The following SMAP2 variants were observed in gnomAD, a reference collection of about 807,000 sequenced individuals.
SMAP2 encodes the protein stromal membrane-associated protein 2.
In SMAP2, 25 loss-of-function variants were observed where a neutral mutation model predicts 56.4. The observed-to-expected ratio is 0.44, with a 90% confidence interval of 0.32 to 0.62. The LOEUF (loss-of-function observed/expected upper bound fraction) is 0.62, where lower values mean the gene tolerates loss of function less well. Among genes scored for constraint, SMAP2 ranks in the 20% least tolerant of loss-of-function variants. SMAP2 has a pLI of 0.04. For missense variants in SMAP2, 388 were observed against 545.6 expected (o/e 0.71, Z 2.88); for synonymous variants, 157 against 181.7 (o/e 0.86, Z 1.09).
chr1:40,422,396 C>T lies in SMAP2; in HGVS notation c.*295C>T, dbSNP rs753224021. 3.0e-5 allele frequency: 11 copies of T among 361,564 alleles called. No individual in the cohort carries two copies. Among genetic ancestry groups the T allele is most frequent in the East Asian group, 5.8e-5 (1 of 17,186 alleles). The allele number at this position is 361,564 out of a possible 1,614,324, so 22.4% of individuals were successfully genotyped here. ...ACTTAAACTGTGGGAGAAGTGTGCACACCTTTGAGTCCCTTCCCTCAAGGT... is the reference window on the plus strand; with the variant it reads ...ACTTAAACTGTGGGAGAAGTGTGCATACCTTTGAGTCCCTTCCCTCAAGGT... On this transcript the variant is annotated 3_prime_UTR_variant, in exon 10 of 10. Transcript: ENST00000372718.
At position 40,360,004 on chromosome 1, in the gene SMAP2, C is replaced by CTTTTTTTT. The variant is rs775408458; in HGVS notation, c.-82-2283_-82-2276dup. 4.8e-3 allele frequency among the ~76,000 whole-genome samples: 487 copies of CTTTTTTTT among 102,352 alleles called. 1 individual carries two copies. The highest frequency in any genetic ancestry group is 5.3e-3 in the Non-Finnish European group (294 of 55,008). 67.1% of individuals were successfully genotyped at this position (102,352 alleles called of 152,430 possible). On this transcript the variant is annotated intron_variant, in intron 1 of 6. Transcript: ENST00000435168. The stretch of plus-strand genomic sequence containing the variant: ...ACAGACTTTTTTCTTCTTCTTCTTT[C>CTTTTTTTT]TTTTTTTTTTTTTTTTTTTTGAGAT...
chr1:40,391,225 G>A (rs910083013), intron 1 of SMAP2, among the ~76,000 whole-genome samples: 14 of 152,198 alleles, frequency 9.2e-5, no homozygotes, highest in African/African-American at 3.4e-4. Flanking sequence ...TTGAATATGG[G>A]CTGTTTTTAA....
At chr1:40,393,457 T>G (rs1644737063) in intron 1 of SMAP2, 1 of 1,535,304 alleles carries the variant, frequency 6.5e-7, no homozygotes, top group Admixed American at 2.0e-5. Flanking sequence ...CAAAAAGATG[T>G]TTTGCAAATA....
chr1:40,389,308 TA>T lies in SMAP2; in HGVS notation c.103+15086del, dbSNP rs1644693011. 4.6e-3 allele frequency among the ~76,000 whole-genome samples: 3 copies of T among 658 alleles called. 1 individual carries two copies. Among genetic ancestry groups the T allele is most frequent in the South Asian group, 0.17 (2 of 12 alleles). 0.4% of individuals were successfully genotyped at this position (658 alleles called of 152,430 possible). On this transcript the variant is annotated intron_variant, in intron 1 of 9. Transcript: ENST00000372718. ...AAGGAGGTAACAGCTACTGCATTAT[TA>T]TTTTTTTTTTGAAGAAGGGCCCTCA...
intron 1 of SMAP2, among the ~76,000 whole-genome samples, chr1:40,353,670 G>C (rs941499379): frequency 7.9e-5 from 12 of 152,132 alleles, no homozygotes; most frequent in Middle Eastern, 3.4e-3. Context: ...GGCCCAGAAG[G>C]CTTCTTAAAA....
intron 1 of SMAP2, among the ~76,000 whole-genome samples, chr1:40,406,343 T>C (rs1644886097): frequency 6.6e-6 from 1 of 152,220 alleles, no homozygotes; most frequent in South Asian, 2.1e-4. Flanking sequence ...TATTATATAA[T>C]TCTTTTTATA....
chr1:40,379,274 T>C (rs1644572220), intron 1 of SMAP2, among the ~76,000 whole-genome samples: 1 of 152,164 alleles, frequency 6.6e-6, no homozygotes, highest in South Asian at 2.1e-4. Context: ...ACCTAGCCCA[T>C]TGTCGGCAAT....
At chr1:40,352,028 T>C (rs1444366318) in intron 1 of SMAP2, among the ~76,000 whole-genome samples, 1 of 152,114 alleles carries the variant, frequency 6.6e-6, no homozygotes, top group Non-Finnish European at 1.5e-5. Context: ...TCCATGAATT[T>C]TTTTTTCTTT....
intron 1 of SMAP2, among the ~76,000 whole-genome samples, chr1:40,398,346 A>C (rs1644794224): frequency 6.6e-6 from 1 of 150,378 alleles, no homozygotes; most frequent in African/African-American, 2.5e-5. Flanking sequence ...ACTCCCGCTC[A>C]GCCTCCCAAG....
At chr1:40,350,620 A>C (rs1269999317) in intron 1 of SMAP2, among the ~76,000 whole-genome samples, 1 of 152,168 alleles carries the variant, frequency 6.6e-6, no homozygotes, top group African/African-American at 2.4e-5. Context: ...TGTAAATCAT[A>C]TATTTCAGTT....
intron 1 of SMAP2, among the ~76,000 whole-genome samples, chr1:40,359,773 T>G (rs1439617796): frequency 6.6e-6 from 1 of 152,172 alleles, no homozygotes; most frequent in Non-Finnish European, 1.5e-5. Context: ...TAACACTGAT[T>G]GCGTAAACAG....
intron 1 of SMAP2, among the ~76,000 whole-genome samples, chr1:40,361,001 T>A (rs552645316): frequency 4.6e-5 from 7 of 152,328 alleles, no homozygotes; most frequent in Admixed American, 6.5e-5. Flanking sequence ...CATGACTTAA[T>A]AAGACACCAG....
chr1:40,388,991 C>G (rs577525697), intron 1 of SMAP2, among the ~76,000 whole-genome samples: 1 of 152,012 alleles, frequency 6.6e-6, no homozygotes, highest in South Asian at 2.1e-4. Flanking sequence ...CCTGAGCCAG[C>G]GAGACCACGA....
chr1:40,374,597 G>T lies in SMAP2; in HGVS notation c.103+374G>T. 1 of 650,176 alleles carries T rather than the reference G, an allele frequency of 1.5e-6. No individual in the cohort carries two copies. Among genetic ancestry groups the T allele is most frequent in the Non-Finnish European group, 2.1e-6 (1 of 469,638 alleles). 40.3% of individuals were successfully genotyped at this position (650,176 alleles called of 1,614,324 possible). The stretch of plus-strand genomic sequence containing the variant: ...CTGCATTGCGTGCGTGCGTGCGTGC[G>T]TGTGTGTGTGTGTGTGTGTGTGTGT... On this transcript the variant is annotated intron_variant, in intron 1 of 9. Coordinates refer to ENST00000372718, the MANE Select transcript of SMAP2 (RefSeq NM_022733.3). The surrounding 1 kb of genome is among the most constrained non-coding windows in gnomAD (Gnocchi z 5.9).
intron 1 of SMAP2, among the ~76,000 whole-genome samples, chr1:40,398,098 A>G (rs981168080): frequency 6.6e-6 from 1 of 152,216 alleles, no homozygotes; most frequent in Non-Finnish European, 1.5e-5. Flanking sequence ...AAATTAATAG[A>G]AAGCTCATTG....
intron 7 of SMAP2, 71 bp from the exon 8 acceptor site, chr1:40,416,105 G>A (rs1644983949): frequency 1.4e-6 from 2 of 1,433,286 alleles, no homozygotes; most frequent in African/African-American, 2.8e-5. Context: ...GCAGCAGAGA[G>A]GGAAGGGAGA....
intron 9 of SMAP2, among the ~76,000 whole-genome samples, chr1:40,418,667 T>A (rs1645013294): frequency 6.6e-6 from 1 of 152,070 alleles, no homozygotes. Context: ...CCCACAAAAA[T>A]CTGTTACTTA....
chr1:40,360,898 TAA>T (rs1644457132), intron 1 of SMAP2, among the ~76,000 whole-genome samples: 1 of 152,174 alleles, frequency 6.6e-6, no homozygotes, highest in Admixed American at 6.5e-5. Context: ...GAGTTCTAAG[TAA>T]ACTTCAAAGA....
At chr1:40,388,048 C>T (rs542021333) in intron 1 of SMAP2, among the ~76,000 whole-genome samples, 29 of 152,316 alleles carry the variant, frequency 1.9e-4, no homozygotes, top group African/African-American at 5.8e-4. Context: ...GGCCCACCGG[C>T]GCTGCGCTGG....
Sources: gnomAD v4.1 joint callset for allele counts (sites outside exome capture counted in the v4.1 genomes callset) on GRCh38, gnomAD v4.1.1 for gene constraint, Gnocchi (gnomAD v3.1) non-coding constraint, MANE v1.5 for transcripts, NCBI Gene and HGNC (gene_info 2026-07-23, HGNC 2026-07-21) for gene names.